TMTC2: variants seen among roughly 807,000 people sequenced by gnomAD.
TMTC2 encodes the protein protein O-mannosyl-transferase TMTC2.
In TMTC2, 43 loss-of-function variants were observed where a neutral mutation model predicts 82.4. The observed-to-expected ratio is 0.52, with a 90% confidence interval of 0.41 to 0.67. TMTC2 has a LOEUF of 0.67. Ranked by LOEUF, TMTC2 falls within the 30% of genes least tolerant of loss-of-function variation. TMTC2 has a pLI of 0.00. For synonymous variants in TMTC2, 408 were observed against 381.9 expected (o/e 1.07, Z -0.80); for missense variants, 919 against 1,012.4 (o/e 0.91, Z 1.25).
Position 82,965,725 on chromosome 12 carries a change from A to G in TMTC2, c.1850A>G (p.His617Arg). The G allele has an allele frequency of 6.2e-7, 1 of 1,613,854 alleles. No individual in the cohort carries two copies. Among genetic ancestry groups the G allele is most frequent in the South Asian group, 1.1e-5 (1 of 91,072 alleles). Reference protein sequence around the residue: ...SCLYNLGKLYHEQGHYEEALS... With the variant: ...SCLYNLGKLYREQGHYEEALS... ...TTGTACAACCTAGGAAAGCTGTATC[A>G]TGAGCAGGGACACTATGAGGTCTGG... The change falls in exon 6 of 12, where the codon CAT (histidine) becomes CGT (arginine). Residue 617 changes from histidine to arginine, a missense_variant. Physicochemically the swap from His to Arg is conservative, Grantham distance 29. Coordinates refer to ENST00000321196, the MANE Select transcript of TMTC2 (RefSeq NM_152588.3).
At chr12:82,828,315 G>A (rs1003141533) in intron 1 of TMTC2, among the ~76,000 whole-genome samples, 2 of 148,332 alleles carry the variant, frequency 1.3e-5, no homozygotes, top group Non-Finnish European at 3.0e-5. Context: ...CTGGGTTCAA[G>A]CAATTATCCT....
At position 82,857,160 on chromosome 12, in the gene TMTC2, C is replaced by A. The variant is rs1456207696; in HGVS notation, c.234C>A (p.Ala78=). ...CTCTTTCTTTTCGCCTGAACCATGC[C>A]ATTGGAGGGTTGAATCCCTGGAGCT... ...LCTLSFRLNH[A]IGGLNPWSYH... is the part of the protein sequence containing the mutation. Residue 78 remains alanine, a synonymous_variant, in exon 2 of 12, where the codon GCC becomes GCA. Coordinates refer to ENST00000321196, the MANE Select transcript of TMTC2 (RefSeq NM_152588.3). 6.2e-7 allele frequency: 1 copy of A among 1,614,140 alleles called. No individual in the cohort carries two copies. The highest frequency in any genetic ancestry group is 1.7e-5 in the Admixed American group (1 of 60,022).
At chr12:82,851,312 C>T (rs933355491) in intron 1 of TMTC2, among the ~76,000 whole-genome samples, 1 of 152,012 alleles carries the variant, frequency 6.6e-6, no homozygotes, top group Non-Finnish European at 1.5e-5. Context: ...CACCTGTAAT[C>T]CCAGCTACTG....
chr12:82,876,017 AGTAGTGGTGGCGGTGGTGGTGGTG>A (rs1872471447), intron 2 of TMTC2, among the ~76,000 whole-genome samples: 1 of 92,948 alleles, frequency 1.1e-5, no homozygotes, highest in Admixed American at 1.3e-4. Context: ...TGGTAATGGT[AGTAGTGGTGGCGGTGGTGGTGGTG>A]GTGGTGGTGG....
At chr12:82,872,788 A>G (rs1239624158) in intron 2 of TMTC2, among the ~76,000 whole-genome samples, 1 of 152,168 alleles carries the variant, frequency 6.6e-6, no homozygotes, top group African/African-American at 2.4e-5. Context: ...CTATTTATAC[A>G]AAAAAGGCCT....
intron 11 of TMTC2, among the ~76,000 whole-genome samples, chr12:83,115,323 G>GA (rs1884718493): frequency 6.6e-6 from 1 of 152,008 alleles, no homozygotes; most frequent in African/African-American, 2.4e-5. Context: ...CAAAGGAAAA[G>GA]AAAAAAAGAT....
chr12:83,079,799 A>G (rs1366875582), intron 11 of TMTC2, among the ~76,000 whole-genome samples: 1 of 152,124 alleles, frequency 6.6e-6, no homozygotes, highest in Non-Finnish European at 1.5e-5. Context: ...ATACATGGAC[A>G]TATATCTTAA....
At position 82,815,824 on chromosome 12, in the gene TMTC2, G is replaced by A. The variant is rs1217685583; in HGVS notation, c.84-41186G>A. Among the ~76,000 whole-genome samples, 6 of 151,964 alleles carry A rather than the reference G, an allele frequency of 3.9e-5. 1 individual carries two copies. The highest frequency in any genetic ancestry group is 5.9e-5 in the Non-Finnish European group (4 of 67,974). ...TGAAAGATAACACTGTCCATTCTCCGGAAGGAATAATGGGCTTCATTAACT... is the reference window on the plus strand; with the variant it reads ...TGAAAGATAACACTGTCCATTCTCCAGAAGGAATAATGGGCTTCATTAACT... On this transcript the variant is annotated intron_variant, in intron 1 of 11. Transcript: ENST00000321196.
intron 1 of TMTC2, among the ~76,000 whole-genome samples, chr12:82,696,962 ACG>A (rs1491292241): frequency 2.7e-5 from 4 of 147,196 alleles, no homozygotes; most frequent in Admixed American, 7.0e-5. Flanking sequence ...ATACATACAT[ACG>A]TATATATATA....
intron 8 of TMTC2, among the ~76,000 whole-genome samples, chr12:83,015,310 A>G (rs1880627036): frequency 6.6e-6 from 1 of 152,184 alleles, no homozygotes; most frequent in African/African-American, 2.4e-5. Flanking sequence ...TTGTTGTGCA[A>G]GGAATGATGT....
At chr12:82,787,403 A>T (rs991672420) in intron 1 of TMTC2, among the ~76,000 whole-genome samples, 1 of 152,264 alleles carries the variant, frequency 6.6e-6, no homozygotes, top group South Asian at 2.1e-4. Flanking sequence ...TTCTTAAAGG[A>T]TTTGAAAAAA....
intron 1 of TMTC2, among the ~76,000 whole-genome samples, chr12:82,852,578 C>T (rs933690490): frequency 7.9e-5 from 12 of 152,076 alleles, no homozygotes; most frequent in East Asian, 5.8e-4. Flanking sequence ...CACCATTTCA[C>T]GGAAGCAACC....
rs1170820690 is a variant in TMTC2 at position 83,115,555 on chromosome 12, G to T, written c.2332-16655G>T. ...TTTTACTTCAAATGATGAGCTGCAT[G>T]CTTATTGCAAATTAAGGTGGAGTAC... On this transcript the variant is annotated intron_variant, in intron 11 of 11. Transcript: ENST00000321196. Among the ~76,000 whole-genome samples, 4 of 152,252 alleles carry T rather than the reference G, an allele frequency of 2.6e-5. No homozygotes were observed. In the East Asian group the frequency reaches 7.7e-4, roughly 29 times the overall value.
chr12:82,961,329 G>A (rs1877921317), intron 4 of TMTC2, among the ~76,000 whole-genome samples: 1 of 151,736 alleles, frequency 6.6e-6, no homozygotes, highest in South Asian at 2.1e-4. Flanking sequence ...CAGAACCCTA[G>A]TCATAACAGT....
At chr12:82,794,625 G>A (rs995887505) in intron 1 of TMTC2, among the ~76,000 whole-genome samples, 2 of 152,058 alleles carry the variant, frequency 1.3e-5, no homozygotes, top group Non-Finnish European at 2.9e-5. Context: ...ACATTAAAAT[G>A]GTCATTACTC....
At chr12:82,781,224 C>G (rs1395425743) in intron 1 of TMTC2, among the ~76,000 whole-genome samples, 1 of 151,854 alleles carries the variant, frequency 6.6e-6, no homozygotes, top group Non-Finnish European at 1.5e-5. Flanking sequence ...GTTCAAAATG[C>G]TGAAAATATA....
intron 1 of TMTC2, among the ~76,000 whole-genome samples, chr12:82,769,934 C>T (rs1877196208): frequency 6.6e-6 from 1 of 152,076 alleles, no homozygotes; most frequent in Non-Finnish European, 1.5e-5. Context: ...TTATGGATAT[C>T]TGAGTTTTGT....
chr12:82,992,118 C>G (rs1333144494), intron 8 of TMTC2, among the ~76,000 whole-genome samples: 1 of 152,176 alleles, frequency 6.6e-6, no homozygotes, highest in Non-Finnish European at 1.5e-5. Flanking sequence ...AATTAGGCTA[C>G]ATAAAACTCC....
chr12:82,790,998 A>T (rs1431013891), intron 1 of TMTC2, among the ~76,000 whole-genome samples: 3 of 151,988 alleles, frequency 2.0e-5, no homozygotes, highest in African/African-American at 7.2e-5. Flanking sequence ...GCTCATCCAT[A>T]TGACCTGGAT....
Sources: gnomAD v4.1 joint callset for allele counts (sites outside exome capture counted in the v4.1 genomes callset) on GRCh38, gnomAD v4.1.1 for gene constraint, MANE v1.5 for transcripts, NCBI Gene and HGNC (gene_info 2026-07-23, HGNC 2026-07-21) for gene names.